TBC1D9: variants seen among roughly 807,000 people sequenced by gnomAD.
TBC1D9 encodes TBC1 domain family member 9, also known as TBC1 domain family member 9A.
Under a neutral mutation model 132.0 loss-of-function variants are expected in TBC1D9, and 63 were observed. The ratio of observed to expected loss-of-function variants is 0.48; its 90% CI spans 0.39 to 0.59. The LOEUF is 0.59. TBC1D9 is among the 20% of genes least tolerant of loss of function. TBC1D9 has a pLI of 0.00. For synonymous variants in TBC1D9, 610 were observed against 609.9 expected (o/e 1.00, Z 0.00); for missense variants, 1,261 against 1,592.7 (o/e 0.79, Z 3.54).
At chr4:140,701,423 A>G in intron 2 of TBC1D9, 81 bp downstream of exon 2, 1 of 1,023,052 alleles carries the variant, frequency 9.8e-7, no homozygotes, top group Non-Finnish European at 1.5e-6. Flanking sequence ...CAGCAAGTAC[A>G]CGTTCCTTTC....
chr4:140,755,012 G>A (rs1250754505), intron 1 of TBC1D9, among the ~76,000 whole-genome samples: 2 of 152,152 alleles, frequency 1.3e-5, no homozygotes, highest in African/African-American at 4.8e-5. Flanking sequence ...ACTCTGAGGA[G>A]GGTCAAAGTT....
chr4:140,634,583 T>C (rs575057882), intron 15 of TBC1D9, among the ~76,000 whole-genome samples: 12 of 152,188 alleles, frequency 7.9e-5, no homozygotes, highest in Non-Finnish European at 1.6e-4. Flanking sequence ...GGAATTTAGG[T>C]AATGTGACCG....
intron 1 of TBC1D9, among the ~76,000 whole-genome samples, chr4:140,741,817 C>T (rs1198406326): frequency 6.6e-6 from 1 of 152,198 alleles, no homozygotes; most frequent in Non-Finnish European, 1.5e-5. Flanking sequence ...ATCTCCACAA[C>T]CCCTTATCTT....
chr4:140,738,675 T>A (rs563360584), intron 1 of TBC1D9, among the ~76,000 whole-genome samples: 1 of 152,210 alleles, frequency 6.6e-6, no homozygotes, highest in Non-Finnish European at 1.5e-5. Flanking sequence ...ACAATAAGCA[T>A]GAATATTTGT....
At position 140,737,157 on chromosome 4, in the gene TBC1D9, G is replaced by T. The variant is rs114598117; in HGVS notation, c.130+18759C>A. Among the ~76,000 whole-genome samples, 325 of 152,274 alleles carry T rather than the reference G, an allele frequency of 2.1e-3. 1 individual carries two copies. The highest frequency in any genetic ancestry group is 0.017 in the Middle Eastern group (5 of 294). On this transcript the variant is annotated intron_variant, in intron 1 of 20. Coordinates refer to ENST00000442267, the MANE Select transcript of TBC1D9 (RefSeq NM_015130.3). ...GCTATTAGAATCTAATGCTGCTGCT[G>T]ATCTGACAGGAGGCAGAGCTCAGGA...
At chr4:140,644,019 G>C (rs760976903) in intron 13 of TBC1D9, 14 of 487,964 alleles carry the variant, frequency 2.9e-5, no homozygotes, top group Non-Finnish European at 4.7e-5. Flanking sequence ...GATCTTGGAG[G>C]GGGACAGGAG....
intron 13 of TBC1D9, chr4:140,643,535 C>T (rs1278090643): frequency 1.7e-5 from 15 of 874,262 alleles, no homozygotes; most frequent in Non-Finnish European, 2.4e-5. Context: ...CCCCGGCGGG[C>T]ACGTCACAGT....
chr4:140,742,204 A>T (rs1457378183), intron 1 of TBC1D9, among the ~76,000 whole-genome samples: 1 of 152,134 alleles, frequency 6.6e-6, no homozygotes, highest in African/African-American at 2.4e-5. Flanking sequence ...TGCCATTTGA[A>T]ATCAACTAGA....
In TBC1D9 at chr4:140,756,358, A is replaced by ACGG. The variant is rs1237017206; in HGVS notation, c.-316_-314dup. ...CACTCTGCAGCCCGGCTCCCGGCCC[A>ACGG]CGGCGGCGGGAGGAGCGGGAGGAGG... On this transcript the variant is annotated 5_prime_UTR_variant, in exon 1 of 21. Coordinates refer to ENST00000442267, the MANE Select transcript of TBC1D9 (RefSeq NM_015130.3). This position sits in a 1 kb window ranked among gnomAD's most constrained non-coding sequence, Gnocchi z 5.6. Among the ~76,000 whole-genome samples the ACGG allele has an allele frequency of 6.6e-6, 1 of 151,884 alleles. No homozygotes were observed. Among genetic ancestry groups the ACGG allele is most frequent in the African/African-American group, 2.4e-5 (1 of 41,368 alleles).
At chr4:140,704,731 A>C (rs1050166936) in intron 1 of TBC1D9, among the ~76,000 whole-genome samples, 3 of 152,188 alleles carry the variant, frequency 2.0e-5, no homozygotes, top group African/African-American at 7.2e-5. Flanking sequence ...CCACCACCAC[A>C]ATGTTCCCAA....
chr4:140,753,944 G>C (rs1041858324), intron 1 of TBC1D9, among the ~76,000 whole-genome samples: 6 of 152,134 alleles, frequency 3.9e-5, no homozygotes, highest in African/African-American at 1.2e-4. Flanking sequence ...TACCTCTCTT[G>C]CTTGAAAATA....
chr4:140,661,909 T>C lies in TBC1D9; in HGVS notation c.1787A>G (p.Asn596Ser), dbSNP rs760535578. The change falls in exon 10 of 21, where the codon AAC (asparagine) becomes AGC (serine). Residue 596 changes from asparagine to serine, a missense_variant. Physicochemically the swap from Asn to Ser is conservative, Grantham distance 46 (BLOSUM62 1). Transcript: ENST00000442267. ...VLTAYAFRNPNIGYCQAMNIV... is the reference protein window; with the variant it reads ...VLTAYAFRNPSIGYCQAMNIV... ...GACATTTACCTGGCAATACCCTATG[T>C]TGGGATTTCGAAAAGCATAAGCTGT... 3.8e-5 allele frequency: 61 copies of C among 1,613,710 alleles called. No homozygotes were observed. In the South Asian group the frequency reaches 4.7e-4, roughly 12 times the overall value.
intron 6 of TBC1D9, among the ~76,000 whole-genome samples, chr4:140,676,282 G>A (rs1300315546): frequency 1.3e-5 from 2 of 152,172 alleles, no homozygotes; most frequent in Admixed American, 1.3e-4. Context: ...TGCCTTTCAG[G>A]ATCTGTGCAT....
At chr4:140,703,696 A>C (rs2111041490) in intron 1 of TBC1D9, among the ~76,000 whole-genome samples, 1 of 152,340 alleles carries the variant, frequency 6.6e-6, no homozygotes, top group African/African-American at 2.4e-5. Context: ...AGTGACCATT[A>C]GCTGACCTCA....
chr4:140,744,545 C>T (rs1738808941), intron 1 of TBC1D9, among the ~76,000 whole-genome samples: 1 of 152,106 alleles, frequency 6.6e-6, no homozygotes, highest in African/African-American at 2.4e-5. Context: ...AAAACACTTG[C>T]CATCTATTCC....
intron 13 of TBC1D9, among the ~76,000 whole-genome samples, chr4:140,652,600 C>A (rs561205851): frequency 6.6e-6 from 1 of 152,198 alleles, no homozygotes; most frequent in Non-Finnish European, 1.5e-5. Flanking sequence ...GGGAGCTCTT[C>A]CTTGGATACT....
intron 13 of TBC1D9, chr4:140,643,376 G>A (rs1288587891): frequency 5.4e-6 from 7 of 1,285,712 alleles, no homozygotes; most frequent in Non-Finnish European, 7.7e-6. Flanking sequence ...GCAGAGGCCT[G>A]GCCTGGGGCA....
At chr4:140,718,360 C>T (rs1037048321) in intron 1 of TBC1D9, among the ~76,000 whole-genome samples, 2 of 151,990 alleles carry the variant, frequency 1.3e-5, no homozygotes, top group African/African-American at 4.8e-5. Flanking sequence ...CAGAACAATC[C>T]CCTCTTTGCA....
In TBC1D9 at chr4:140,756,090, A is replaced by C; in HGVS notation, c.-45T>G. ...GGGCGCACAATGGGCCCGTGGGTCC[A>C]GTCCTGCACCCACCACCGCGACAGG... On this transcript the variant is annotated 5_prime_UTR_variant, in exon 1 of 21. Coordinates refer to ENST00000442267, the MANE Select transcript of TBC1D9 (RefSeq NM_015130.3). The surrounding 1 kb of genome is among the most constrained non-coding windows in gnomAD (Gnocchi z 5.6). 6.6e-7 allele frequency: 1 copy of C among 1,521,334 alleles called. No homozygotes were observed. The highest frequency in any genetic ancestry group is 8.9e-7 in the Non-Finnish European group (1 of 1,127,354). 94.2% of individuals were successfully genotyped at this position (1,521,334 alleles called of 1,614,324 possible). A position where few individuals can be genotyped will look rare whatever the true frequency, so the allele number is the denominator to read the frequency against.
Sources: allele counts gnomAD v4.1 joint callset (sites outside exome capture counted in the v4.1 genomes callset), GRCh38; gene constraint gnomAD v4.1.1; non-coding constraint Gnocchi (gnomAD v3.1); transcripts MANE v1.5; gene names NCBI Gene and HGNC (gene_info 2026-07-23, HGNC 2026-07-21).